Variants in VWC2 observed in about 807,000 individuals in gnomAD.
VWC2 encodes the protein brorin.
Under a neutral mutation model 29.8 loss-of-function variants are expected in VWC2, and 14 were observed. The ratio of observed to expected loss-of-function variants is 0.47; its 90% CI spans 0.31 to 0.74. The LOEUF (loss-of-function observed/expected upper bound fraction) is 0.74, where lower values mean the gene tolerates loss of function less well. Ranked by LOEUF, VWC2 falls within the 30% of genes least tolerant of loss-of-function variation. VWC2 has a pLI of 0.05. For missense variants in VWC2, 457 were observed against 459.8 expected, an observed-to-expected ratio of 0.99 and a Z score of 0.05; for synonymous variants, 213 against 199.0, an observed-to-expected ratio of 1.07 and a Z score of -0.59.
At chr7:49,849,643 A>G (rs1024186992) in intron 3 of VWC2, among the ~76,000 whole-genome samples, 13 of 152,248 alleles carry the variant, frequency 8.5e-5, no homozygotes, top group African/African-American at 3.1e-4. Flanking sequence ...ACCATTAGAT[A>G]GAGTCTAACG....
At chr7:49,797,450 T>C (rs986382475) in intron 2 of VWC2, among the ~76,000 whole-genome samples, 2 of 152,222 alleles carry the variant, frequency 1.3e-5, no homozygotes, top group Admixed American at 6.5e-5. Flanking sequence ...ATTGTTTTGC[T>C]TCAGGTTTGA....
At chr7:49,902,254 C>A (rs767556241) in intron 3 of VWC2, among the ~76,000 whole-genome samples, 7 of 151,810 alleles carry the variant, frequency 4.6e-5, no homozygotes, top group Non-Finnish European at 8.8e-5. Flanking sequence ...AGGCAAACCA[C>A]AGACTGGAAG....
chr7:49,831,693 C>G (rs906707337), intron 3 of VWC2, among the ~76,000 whole-genome samples: 1 of 152,142 alleles, frequency 6.6e-6, no homozygotes, highest in African/African-American at 2.4e-5. Context: ...GAGAAGAGTT[C>G]CTGACTCTGG....
intron 2 of VWC2, among the ~76,000 whole-genome samples, chr7:49,789,374 AGTGTGT>A (rs1227286414): frequency 6.6e-6 from 1 of 150,958 alleles, no homozygotes; most frequent in Non-Finnish European, 1.5e-5. Context: ...TGTGAGTGTG[AGTGTGT>A]GTATGAAGTA....
At chr7:49,897,057 G>A (rs371696990) in intron 3 of VWC2, among the ~76,000 whole-genome samples, 50 of 151,820 alleles carry the variant, frequency 3.3e-4, no homozygotes, top group African/African-American at 9.4e-4. Context: ...CACCTCGCCC[G>A]GCTAATTTTT....
At chr7:49,871,336 G>T (rs181830870) in intron 3 of VWC2, among the ~76,000 whole-genome samples, 5 of 152,016 alleles carry the variant, frequency 3.3e-5, no homozygotes, top group African/African-American at 1.2e-4. Flanking sequence ...AAACCCCTGC[G>T]CATTAAGGTA....
In VWC2 at chr7:49,775,714, G is replaced by A. The variant is rs751363213; in HGVS notation, c.279G>A (p.Leu93=). 1 of 1,522,796 alleles carries A rather than the reference G, an allele frequency of 6.6e-7. No homozygotes were observed. Among genetic ancestry groups the A allele is most frequent in the Non-Finnish European group, 8.8e-7 (1 of 1,137,796 alleles). The allele number at this position is 1,522,796 out of a possible 1,614,324, so 94.3% of individuals were successfully genotyped here. The change falls in exon 2 of 4, where the codon CTG becomes CTA. Residue 93 remains leucine, a synonymous_variant. Transcript: ENST00000340652. ...CCGGCCGTGAGCCGTGGAGCAAGCT[G>A]AAGCAGGCCTGGGTCTCCCAGGGCG... ...GLAGREPWSK[L]KQAWVSQGGG... is the part of the protein sequence containing the mutation.
chr7:49,893,788 G>A (rs1414403561), intron 3 of VWC2, among the ~76,000 whole-genome samples: 1 of 152,014 alleles, frequency 6.6e-6, no homozygotes, highest in Non-Finnish European at 1.5e-5. Flanking sequence ...CTGGTGCTAA[G>A]GAACATAATT....
intron 3 of VWC2, among the ~76,000 whole-genome samples, chr7:49,853,456 AC>A (rs912022042): frequency 4.0e-5 from 6 of 151,774 alleles, no homozygotes; most frequent in African/African-American, 1.5e-4. Context: ...CATATTAGGG[AC>A]CCAAACCCCA....
chr7:49,884,966 A>T (rs1368351715), intron 3 of VWC2, among the ~76,000 whole-genome samples: 1 of 152,150 alleles, frequency 6.6e-6, no homozygotes, highest in Non-Finnish European at 1.5e-5. Flanking sequence ...AAATAAAAAG[A>T]TGAAAAGTAT....
intron 3 of VWC2, among the ~76,000 whole-genome samples, chr7:49,854,405 C>G (rs1390918181): frequency 6.6e-6 from 1 of 152,084 alleles, no homozygotes; most frequent in Non-Finnish European, 1.5e-5. Flanking sequence ...GATCGCTATT[C>G]TAACTGGTGT....
chr7:49,778,323 C>G (rs1440454432), intron 2 of VWC2, among the ~76,000 whole-genome samples: 3 of 152,130 alleles, frequency 2.0e-5, no homozygotes, highest in African/African-American at 7.2e-5. Flanking sequence ...ACCAGTAAAG[C>G]TATTTTTGGA....
intron 3 of VWC2, among the ~76,000 whole-genome samples, chr7:49,872,778 TG>T (rs1192515243): frequency 6.8e-6 from 1 of 147,496 alleles, no homozygotes; most frequent in Non-Finnish European, 1.5e-5. Context: ...TAGTCCGGTG[TG>T]GTGGCACACA....
At chr7:49,825,712 A>G (rs566575371) in intron 3 of VWC2, among the ~76,000 whole-genome samples, 1 of 152,276 alleles carries the variant, frequency 6.6e-6, no homozygotes, top group South Asian at 2.1e-4. Flanking sequence ...TTTGCTTTCT[A>G]TTACCTGAAC....
chr7:49,801,897 C>T (rs557464959), intron 2 of VWC2, among the ~76,000 whole-genome samples: 179 of 152,306 alleles, frequency 1.2e-3, no homozygotes, highest in African/African-American at 4.0e-3. Flanking sequence ...CCCTTGGCCC[C>T]GCTTGGATGC....
At chr7:49,895,114 A>G (rs1299334402) in intron 3 of VWC2, among the ~76,000 whole-genome samples, 2 of 152,238 alleles carry the variant, frequency 1.3e-5, no homozygotes, top group Non-Finnish European at 2.9e-5. Flanking sequence ...GTGGCTGGGA[A>G]GTCCAACATA....
intron 3 of VWC2, among the ~76,000 whole-genome samples, chr7:49,806,957 G>A (rs559404620): frequency 6.6e-6 from 1 of 152,270 alleles, no homozygotes; most frequent in East Asian, 1.9e-4. Context: ...TTTTAACAAG[G>A]ATGTTTAGCA....
At chr7:49,851,195 T>C (rs1197694955) in intron 3 of VWC2, among the ~76,000 whole-genome samples, 1 of 152,196 alleles carries the variant, frequency 6.6e-6, no homozygotes, top group Admixed American at 6.5e-5. Context: ...GTGGTCTTCT[T>C]CTCTGTGCCC....
At chr7:49,843,952 C>T (rs1789858516) in intron 3 of VWC2, among the ~76,000 whole-genome samples, 1 of 152,162 alleles carries the variant, frequency 6.6e-6, no homozygotes, top group Non-Finnish European at 1.5e-5. Context: ...AGTTAGGACT[C>T]ATTCTATTAC....
Sources: allele counts gnomAD v4.1 joint callset (sites outside exome capture counted in the v4.1 genomes callset), GRCh38; gene constraint gnomAD v4.1.1; transcripts MANE v1.5; gene names NCBI Gene and HGNC (gene_info 2026-07-23, HGNC 2026-07-21).